NAV2: variants seen among roughly 807,000 people sequenced by gnomAD.
The protein encoded by NAV2 is neuron navigator 2, also known as helicase, APC down-regulated 1.
A neutral mutation model predicts 223.2 loss-of-function variants in NAV2; 54 were observed. The ratio of observed to expected loss-of-function variants is 0.24; its 90% CI spans 0.19 to 0.30. NAV2 has a LOEUF of 0.30. NAV2 is among the 10% of genes least tolerant of loss of function. The probability of loss-of-function intolerance (pLI) is 1.00; values close to 1 mark genes in which losing one functional copy is unlikely to be tolerated. For missense variants in NAV2, 2,806 were observed against 3,147.5 expected (o/e 0.89, Z 2.60); for synonymous variants, 1,279 against 1,239.3 (o/e 1.03, Z -0.67).
chr11:20,001,665 C>G (rs534660002), intron 11 of NAV2, among the ~76,000 whole-genome samples: 2 of 126,260 alleles, frequency 1.6e-5, no homozygotes, highest in Non-Finnish European at 3.1e-5. Context: ...TGAGAACACT[C>G]GGACACAGGA....
At chr11:19,617,261 G>A (rs2046825458) in intron 1 of NAV2, among the ~76,000 whole-genome samples, 1 of 152,152 alleles carries the variant, frequency 6.6e-6, no homozygotes, top group African/African-American at 2.4e-5. Context: ...TAACTTGAGG[G>A]TAATTTCTCA....
At chr11:19,755,463 T>G (rs189940522) in intron 1 of NAV2, among the ~76,000 whole-genome samples, 1 of 152,078 alleles carries the variant, frequency 6.6e-6, no homozygotes, top group Non-Finnish European at 1.5e-5. Flanking sequence ...TACCATGAAC[T>G]GGTGGCTTAA....
At chr11:19,821,429 C>T (rs1169692811) in intron 1 of NAV2, among the ~76,000 whole-genome samples, 1 of 152,142 alleles carries the variant, frequency 6.6e-6, no homozygotes, top group Non-Finnish European at 1.5e-5. Flanking sequence ...TTCAAAACCT[C>T]TGGAGGTGCT....
intron 6 of NAV2, among the ~76,000 whole-genome samples, chr11:19,930,618 ATC>A (rs1409898711): frequency 1.3e-5 from 2 of 152,210 alleles, no homozygotes; most frequent in Non-Finnish European, 2.9e-5. Flanking sequence ...AGAGATTTCT[ATC>A]TGTTTTTTCA....
At chr11:19,915,562 A>G (rs1198163660) in intron 6 of NAV2, among the ~76,000 whole-genome samples, 1 of 152,210 alleles carries the variant, frequency 6.6e-6, no homozygotes, top group East Asian at 1.9e-4. Context: ...TCCATTTGAA[A>G]TGCATTCCAC....
At chr11:19,469,518 A>C (rs1016535040) in intron 1 of NAV2, among the ~76,000 whole-genome samples, 1 of 152,098 alleles carries the variant, frequency 6.6e-6, no homozygotes, top group Admixed American at 6.5e-5. Flanking sequence ...CATTTTCCCC[A>C]TGTGGTTAGT....
chr11:19,770,421 G>A (rs1050023263), intron 1 of NAV2, among the ~76,000 whole-genome samples: 1 of 152,080 alleles, frequency 6.6e-6, no homozygotes, highest in Non-Finnish European at 1.5e-5. Flanking sequence ...CCAGCAGCAC[G>A]GAGGCCCTTA....
At chr11:19,533,730 G>A (rs1342530729) in intron 1 of NAV2, among the ~76,000 whole-genome samples, 2 of 116,322 alleles carry the variant, frequency 1.7e-5, no homozygotes, top group African/African-American at 5.2e-5. Context: ...TTTTTGAGAC[G>A]GAGTCTCGCT....
intron 12 of NAV2, among the ~76,000 whole-genome samples, chr11:20,039,515 C>T (rs2056718523): frequency 6.6e-6 from 1 of 152,166 alleles, no homozygotes; most frequent in African/African-American, 2.4e-5. Context: ...AGCCTCCATT[C>T]ATGGCAGTTA....
In NAV2 at chr11:19,380,159, A is replaced by T. The variant is rs79572215; in HGVS notation, c.75+29132A>T. 8.5e-3 allele frequency among the ~76,000 whole-genome samples: 1,291 copies of T among 152,298 alleles called. 18 individuals are homozygous for T. Among genetic ancestry groups the T allele is most frequent in the African/African-American group, 0.03 (1,229 of 41,542 alleles). ...TAAGTGGAATCTTTTTATGCAAAGA[A>T]ATAAAACTAATAGCGTATATCTTCT... On this transcript the variant is annotated intron_variant, in intron 1 of 37. Transcript: ENST00000360655.
chr11:20,036,159 T>G, intron 12 of NAV2, 62 bp downstream of exon 12: 2 of 1,605,962 alleles, frequency 1.2e-6, no homozygotes, highest in African/African-American at 1.3e-5. Flanking sequence ...AACCTTGGGC[T>G]TGTGGGGTAA....
rs71050684 is a variant in NAV2 at position 19,776,577 on chromosome 11, G to GGTGTGTGTGTGT, written c.268-55887_268-55876dup. On this transcript the variant is annotated intron_variant, in intron 1 of 37. Coordinates refer to ENST00000349880, the MANE Select transcript of NAV2 (RefSeq NM_145117.5). ...AACGCAGCGTGTGGGCTGGGGCAGGGGTGTGTGTGTGTGTGTGTGTGTGTG... is the reference window on the plus strand; with the variant it reads ...AACGCAGCGTGTGGGCTGGGGCAGGGGTGTGTGTGTGTGTGTGTGTGTGTGTGTGTGTGTGTG... 4.9e-3 allele frequency among the ~76,000 whole-genome samples: 573 copies of GGTGTGTGTGTGT among 116,168 alleles called. 22 individuals are homozygous for GGTGTGTGTGTGT. Among genetic ancestry groups the GGTGTGTGTGTGT allele is most frequent in the African/African-American group, 0.011 (287 of 26,056 alleles). The allele number at this position is 116,168 out of a possible 152,430, so 76.2% of individuals were successfully genotyped here.
chr11:19,350,435 C>T (rs1054423709), upstream of NAV2, among the ~76,000 whole-genome samples: 14 of 152,238 alleles, frequency 9.2e-5, no homozygotes, highest in African/African-American at 3.1e-4. Context: ...CTGTGATGAA[C>T]GCTTGCAGGA....
intron 12 of NAV2, among the ~76,000 whole-genome samples, chr11:20,043,194 G>T (rs1055192464): frequency 6.6e-6 from 1 of 152,166 alleles, no homozygotes; most frequent in Non-Finnish European, 1.5e-5. Flanking sequence ...CTTGCTTGGT[G>T]TGTTAGATCC....
intron 29 of NAV2, among the ~76,000 whole-genome samples, chr11:20,095,163 G>C (rs1485337171): frequency 1.3e-5 from 2 of 152,128 alleles, no homozygotes; most frequent in Non-Finnish European, 2.9e-5. Flanking sequence ...ATCTAGTAAG[G>C]AGGTAAACTT....
intron 1 of NAV2, among the ~76,000 whole-genome samples, chr11:19,489,060 G>A (rs562133246): frequency 6.6e-6 from 1 of 152,304 alleles, no homozygotes; most frequent in South Asian, 2.1e-4. Context: ...CCAGAACTCA[G>A]CATCTCTTCT....
intron 1 of NAV2, among the ~76,000 whole-genome samples, chr11:19,606,732 G>T (rs547262860): frequency 9.8e-5 from 15 of 152,342 alleles, no homozygotes; most frequent in Non-Finnish European, 1.8e-4. Context: ...ATGACACCCA[G>T]AACATCATGG....
At chr11:19,491,969 G>T (rs1334750341) in intron 1 of NAV2, among the ~76,000 whole-genome samples, 1 of 151,664 alleles carries the variant, frequency 6.6e-6, no homozygotes, top group Non-Finnish European at 1.5e-5. Flanking sequence ...GAGAGAGAGA[G>T]AGAGAGAGAG....
intron 1 of NAV2, among the ~76,000 whole-genome samples, chr11:19,664,539 G>C (rs1015615194): frequency 2.0e-4 from 30 of 152,294 alleles, no homozygotes; most frequent in African/African-American, 7.0e-4. Flanking sequence ...AGCCAATATG[G>C]TGGTAACAGG....
Sources: gnomAD v4.1 joint callset for allele counts (sites outside exome capture counted in the v4.1 genomes callset) on GRCh38, gnomAD v4.1.1 for gene constraint, MANE v1.5 for transcripts, NCBI Gene and HGNC (gene_info 2026-07-23, HGNC 2026-07-21) for gene names.